Variants in NTM observed in about 807,000 individuals in gnomAD.
NTM encodes neurotrimin, also known as IgLON family member 2.
In NTM, 13 loss-of-function variants were observed where a neutral mutation model predicts 42.1. The ratio of observed to expected loss-of-function variants is 0.31; its 90% CI spans 0.20 to 0.49. The LOEUF is 0.49. Among genes scored for constraint, NTM ranks in the 20% least tolerant of loss-of-function variants. NTM has a pLI of 0.99. For synonymous variants in NTM, 187 were observed against 179.2 expected (o/e 1.04, Z -0.35); for missense variants, 373 against 452.8 (o/e 0.82, Z 1.60).
intron 1 of NTM, among the ~76,000 whole-genome samples, chr11:131,444,724 G>A (rs1036347873): frequency 5.3e-5 from 8 of 152,172 alleles, no homozygotes; most frequent in South Asian, 2.1e-4. Context: ...ATGACCAACA[G>A]AAGAAAGCCA....
At chr11:131,743,643 C>A (rs903736822) in intron 1 of NTM, among the ~76,000 whole-genome samples, 2 of 152,146 alleles carry the variant, frequency 1.3e-5, no homozygotes, top group African/African-American at 2.4e-5. Context: ...ACCAACTCTG[C>A]AAATACACCT....
chr11:131,931,495 G>GTGTGTGTGTGTA (rs1317332257), intron 2 of NTM, among the ~76,000 whole-genome samples: 1 of 151,460 alleles, frequency 6.6e-6, no homozygotes, highest in Non-Finnish European at 1.5e-5. Context: ...GTGTGTGTGT[G>GTGTGTGTGTGTA]TGTGTGTGTA....
chr11:131,550,028 G>T (rs974851719), intron 1 of NTM, among the ~76,000 whole-genome samples: 6 of 152,178 alleles, frequency 3.9e-5, no homozygotes, highest in African/African-American at 1.4e-4. Flanking sequence ...CTCAGGGGAG[G>T]CATGAGGCTC....
rs528958822 is a variant in NTM at position 132,303,612 on chromosome 11, G to A, written c.527-4077G>A. On this transcript the variant is annotated intron_variant, in intron 4 of 8. Transcript: ENST00000683400. ...GATCTCAACATACCTTTTTTGGGAG[G>A]ACACAATTGAACCCATAATAGGGTG... Among the ~76,000 whole-genome samples the A allele has an allele frequency of 8.8e-4, 132 of 150,430 alleles. 1 individual carries two copies. In the South Asian group the frequency reaches 0.016, roughly 18 times the overall value.
intron 1 of NTM, among the ~76,000 whole-genome samples, chr11:131,600,720 T>G (rs2060406775): frequency 6.6e-6 from 1 of 152,146 alleles, no homozygotes; most frequent in African/African-American, 2.4e-5. Flanking sequence ...ACTTATGGGC[T>G]GCAGGAAGGC....
intron 1 of NTM, among the ~76,000 whole-genome samples, chr11:131,445,757 G>T (rs1950009232): frequency 6.6e-6 from 1 of 152,148 alleles, no homozygotes; most frequent in Non-Finnish European, 1.5e-5. Context: ...CTTTGCTTTT[G>T]GGGTGCACTC....
At chr11:131,673,749 C>G (rs1424271756) in intron 1 of NTM, among the ~76,000 whole-genome samples, 1 of 152,162 alleles carries the variant, frequency 6.6e-6, no homozygotes, top group Non-Finnish European at 1.5e-5. Context: ...AGCATGGCAG[C>G]CCTCCACTCT....
At chr11:132,214,504 C>T (rs899052840) in intron 4 of NTM, among the ~76,000 whole-genome samples, 6 of 152,120 alleles carry the variant, frequency 3.9e-5, no homozygotes, top group African/African-American at 9.7e-5. Flanking sequence ...TATAACTTCC[C>T]GATAAGTTAT....
intron 1 of NTM, among the ~76,000 whole-genome samples, chr11:131,409,451 G>A (rs1328906067): frequency 2.6e-5 from 4 of 152,176 alleles, no homozygotes; most frequent in African/African-American, 7.2e-5. Flanking sequence ...AACTGGGACC[G>A]CCCTGCTGGG....
chr11:131,817,183 C>T (rs775622374), intron 1 of NTM, among the ~76,000 whole-genome samples: 4 of 152,164 alleles, frequency 2.6e-5, no homozygotes, highest in Non-Finnish European at 4.4e-5. Context: ...TCTTTGCATT[C>T]GCATCCAGGC....
At chr11:131,739,555 T>C (rs1240275031) in intron 1 of NTM, among the ~76,000 whole-genome samples, 1 of 152,216 alleles carries the variant, frequency 6.6e-6, no homozygotes, top group Non-Finnish European at 1.5e-5. Context: ...GGCATACCTA[T>C]GTGCATGCTC....
At chr11:131,581,862 T>C (rs1218308147) in intron 1 of NTM, 1 of 152,138 alleles carries the variant, frequency 6.6e-6, no homozygotes, top group African/African-American at 2.4e-5. Flanking sequence ...GTGCCCTGAT[T>C]CTTCCAATTC....
At chr11:132,034,736 T>C (rs183099375) in intron 2 of NTM, among the ~76,000 whole-genome samples, 86 of 152,346 alleles carry the variant, frequency 5.6e-4, no homozygotes, top group African/African-American at 1.9e-3. Flanking sequence ...TCCCTGCTCC[T>C]GCAATGGACT....
intron 7 of NTM, among the ~76,000 whole-genome samples, chr11:132,329,405 A>G (rs1352301361): frequency 6.6e-6 from 1 of 152,222 alleles, no homozygotes; most frequent in Non-Finnish European, 1.5e-5. Flanking sequence ...GAGACCTTTC[A>G]CAGCCTAGGC....
At chr11:132,017,295 A>T (rs1009475752) in intron 2 of NTM, among the ~76,000 whole-genome samples, 3 of 151,934 alleles carry the variant, frequency 2.0e-5, no homozygotes, top group African/African-American at 7.2e-5. Context: ...TCTGCTGTGT[A>T]TTTTGGGTTT....
At chr11:131,903,612 G>A (rs2053464916) in intron 1 of NTM, among the ~76,000 whole-genome samples, 1 of 152,208 alleles carries the variant, frequency 6.6e-6, no homozygotes, top group Non-Finnish European at 1.5e-5. Context: ...GGCCATATAA[G>A]AAGGGCTATT....
intron 3 of NTM, among the ~76,000 whole-genome samples, chr11:132,165,136 A>G (rs1391732010): frequency 2.0e-5 from 3 of 151,386 alleles, no homozygotes; most frequent in East Asian, 3.9e-4. Context: ...CGGCAAAGCT[A>G]TGTTTGTGGG....
At chr11:132,036,159 G>A (rs755442148) in intron 2 of NTM, among the ~76,000 whole-genome samples, 5 of 152,120 alleles carry the variant, frequency 3.3e-5, no homozygotes, top group African/African-American at 9.7e-5. Context: ...TCTGCATGGC[G>A]TGTTAAATGG....
chr11:132,260,053 T>G (rs2092752054), intron 4 of NTM, among the ~76,000 whole-genome samples: 2 of 152,096 alleles, frequency 1.3e-5, no homozygotes. Context: ...AGATGTACCT[T>G]AGGAAAACAT....
Sources: allele counts gnomAD v4.1 joint callset (sites outside exome capture counted in the v4.1 genomes callset), GRCh38; gene constraint gnomAD v4.1.1; transcripts MANE v1.5; gene names NCBI Gene and HGNC (gene_info 2026-07-23, HGNC 2026-07-21).